TENM2: variants seen among roughly 807,000 people sequenced by gnomAD.
The protein encoded by TENM2 is teneurin-2.
Under a neutral mutation model 245.2 loss-of-function variants are expected in TENM2, and 52 were observed. That is an observed-to-expected ratio of 0.21 (90% CI 0.17 to 0.27). The LOEUF (loss-of-function observed/expected upper bound fraction) is 0.27. TENM2 is among the 10% of genes least tolerant of loss of function. The pLI, the probability that TENM2 is intolerant of heterozygous loss-of-function variation, is 1.00. For synonymous variants in TENM2, 1,363 were observed against 1,438.9 expected, an observed-to-expected ratio of 0.95 and a Z score of 1.19; for missense variants, 3,046 against 3,666.8, an observed-to-expected ratio of 0.83 and a Z score of 4.37.
At chr5:167,184,521 G>C in the TENM2 span, among the ~76,000 whole-genome samples, 1 of 152,126 alleles carries the variant, frequency 6.6e-6, no homozygotes, top group African/African-American at 2.4e-5. Context: ...TATCATGTCA[G>C]AGCACTTTAA....
chr5:167,651,554 C>T (rs1178110121), intron 2 of TENM2, among the ~76,000 whole-genome samples: 1 of 151,934 alleles, frequency 6.6e-6, no homozygotes, highest in Non-Finnish European at 1.5e-5. Flanking sequence ...TAACATGACC[C>T]GAGACATATG....
intron 1 of TENM2, among the ~76,000 whole-genome samples, chr5:167,332,483 C>T (rs2127793551): frequency 6.6e-6 from 1 of 152,244 alleles, no homozygotes; most frequent in African/African-American, 2.4e-5. Flanking sequence ...CCCTGGAGAA[C>T]AGCTTTGTGA....
At chr5:167,641,541 A>G (rs115833283) in intron 2 of TENM2, among the ~76,000 whole-genome samples, 1,730 of 152,298 alleles carry the variant, frequency 0.011, 19 homozygotes, top group East Asian at 0.06. Context: ...CATTTCTCAA[A>G]CAATCCTTCT....
chr5:167,888,337 C>T (rs1346127538), intron 3 of TENM2, among the ~76,000 whole-genome samples: 5 of 152,158 alleles, frequency 3.3e-5, no homozygotes, highest in African/African-American at 7.2e-5. Flanking sequence ...TGTCTCATTT[C>T]GTTCTATGCA....
At chr5:167,324,147 G>A (rs1756943998) in intron 1 of TENM2, among the ~76,000 whole-genome samples, 1 of 152,168 alleles carries the variant, frequency 6.6e-6, no homozygotes, top group African/African-American at 2.4e-5. Context: ...TAAGTTACAT[G>A]AAGCATTAAA....
At chr5:168,225,305 C>A (rs1764060738) in intron 23 of TENM2, among the ~76,000 whole-genome samples, 2 of 152,182 alleles carry the variant, frequency 1.3e-5, no homozygotes, top group African/African-American at 4.8e-5. Flanking sequence ...CAAGGTTGGA[C>A]TCCAGTAGAA....
the TENM2 span, among the ~76,000 whole-genome samples, chr5:167,145,164 C>T: frequency 1.3e-5 from 2 of 152,198 alleles, no homozygotes; most frequent in African/African-American, 4.8e-5. Flanking sequence ...CATTTATTCA[C>T]AGCTGCAAAA....
At chr5:167,988,791 CTTTG>C (rs983742632) in intron 4 of TENM2, among the ~76,000 whole-genome samples, 3 of 152,102 alleles carry the variant, frequency 2.0e-5, no homozygotes, top group African/African-American at 4.8e-5. Context: ...AGAAAGGGCG[CTTTG>C]TTTGATGACA....
At chr5:167,905,732 A>G (rs1005064567) in intron 3 of TENM2, among the ~76,000 whole-genome samples, 4 of 152,234 alleles carry the variant, frequency 2.6e-5, no homozygotes, top group Non-Finnish European at 5.9e-5. Context: ...ATAATGTGTA[A>G]TTGGTTCATT....
the TENM2 span, among the ~76,000 whole-genome samples, chr5:167,051,574 C>T: frequency 6.6e-6 from 1 of 152,176 alleles, no homozygotes; most frequent in Non-Finnish European, 1.5e-5. Context: ...ACTCTATTCG[C>T]ATTCTCTTTG....
intron 2 of TENM2, among the ~76,000 whole-genome samples, chr5:167,476,594 G>GT (rs1223211677): frequency 1.3e-5 from 2 of 151,804 alleles, no homozygotes; most frequent in Admixed American, 6.6e-5. Flanking sequence ...GCTGGTTTTT[G>GT]TTTTTTTGTT....
At chr5:168,225,946 GT>G in intron 23 of TENM2, 141 bp from the exon 26 acceptor site, 1 of 646,968 alleles carries the variant, frequency 1.5e-6, no homozygotes, top group Non-Finnish European at 2.6e-6. Flanking sequence ...GGTTTTGACT[GT>G]GACGAGGGGC....
chr5:167,846,742 A>G (rs1024680365), intron 2 of TENM2, among the ~76,000 whole-genome samples: 7 of 152,242 alleles, frequency 4.6e-5, no homozygotes, highest in African/African-American at 1.7e-4. Flanking sequence ...TTTATTGAAC[A>G]AGAAAGCCTC....
chr5:167,800,043 T>C (rs926031984), intron 2 of TENM2, among the ~76,000 whole-genome samples: 3 of 152,216 alleles, frequency 2.0e-5, no homozygotes, highest in East Asian at 1.9e-4. Flanking sequence ...CCCAGTGTTG[T>C]ATGTAGATCC....
chr5:167,651,514 T>G (rs1754461694), intron 2 of TENM2, among the ~76,000 whole-genome samples: 1 of 150,988 alleles, frequency 6.6e-6, no homozygotes, highest in Admixed American at 6.6e-5. Flanking sequence ...TCTCCTCACA[T>G]GCATGCTATT....
chr5:167,971,901 C>T (rs1270793906), intron 4 of TENM2, among the ~76,000 whole-genome samples: 4 of 152,212 alleles, frequency 2.6e-5, no homozygotes, highest in Admixed American at 6.5e-5. Flanking sequence ...TTCCACAACA[C>T]GCCAGCGCCT....
At chr5:167,224,422 C>T in the TENM2 span, among the ~76,000 whole-genome samples, 1 of 151,936 alleles carries the variant, frequency 6.6e-6, no homozygotes, top group Admixed American at 6.6e-5. Flanking sequence ...TTGAGTTTCC[C>T]AACATCATTT....
chr5:167,373,309 A>G (rs541584913), intron 1 of TENM2, among the ~76,000 whole-genome samples: 1 of 152,370 alleles, frequency 6.6e-6, no homozygotes, highest in East Asian at 1.9e-4. Flanking sequence ...TTTGTAAAAT[A>G]AAAGGTAAAA....
At chr5:167,571,226 GACA>G (rs1774246704) in intron 2 of TENM2, among the ~76,000 whole-genome samples, 1 of 152,126 alleles carries the variant, frequency 6.6e-6, no homozygotes. Flanking sequence ...TATTCTTAAT[GACA>G]ACCCATGAAG....
Sources: allele counts gnomAD v4.1 joint callset (sites outside exome capture counted in the v4.1 genomes callset), GRCh38; gene constraint gnomAD v4.1.1; transcripts MANE v1.5; gene names NCBI Gene and HGNC (gene_info 2026-07-23, HGNC 2026-07-21).